The following NSMCE4A variants were observed in gnomAD, a reference collection of about 807,000 sequenced individuals.
The protein encoded by NSMCE4A is NSE4A component of SMC5/6 complex, also known as non-structural maintenance of chromosomes element 4 homolog A.
Under a neutral mutation model 47.9 loss-of-function variants are expected in NSMCE4A, and 40 were observed. That is an observed-to-expected ratio of 0.83 (90% CI 0.65 to 1.09). The LOEUF (loss-of-function observed/expected upper bound fraction) is 1.09. Ranked by LOEUF, NSMCE4A falls within the 50% of genes least tolerant of loss-of-function variation. The pLI, the probability that NSMCE4A is intolerant of heterozygous loss-of-function variation, is 0.00. For missense variants in NSMCE4A, 500 were observed against 507.0 expected, an observed-to-expected ratio of 0.99 and a Z score of 0.13; for synonymous variants, 166 against 178.5, an observed-to-expected ratio of 0.93 and a Z score of 0.56.
At chr10:121,972,293 C>T (rs1225319372) in intron 2 of NSMCE4A, among the ~76,000 whole-genome samples, 1 of 152,100 alleles carries the variant, frequency 6.6e-6, no homozygotes, top group African/African-American at 2.4e-5. Context: ...CACTGCACTC[C>T]AGCCTGGGCG....
Position 121,960,202 on chromosome 10 carries a change from G to A in NSMCE4A, c.988+156C>T. Reference sequence around the variant, plus strand: ...TGAATCCATCAAAATTTTAGACGCTGGCCATGTTTTCAGTATCTTCAGGTA... The same window carrying A: ...TGAATCCATCAAAATTTTAGACGCTAGCCATGTTTTCAGTATCTTCAGGTA... On this transcript the variant is annotated intron_variant, in intron 8 of 10. Coordinates refer to ENST00000369023, the MANE Select transcript of NSMCE4A (RefSeq NM_017615.3). The surrounding 1 kb of genome is among the most constrained non-coding windows in gnomAD (Gnocchi z 4.2). 2.2e-6 allele frequency: 1 copy of A among 463,986 alleles called. No homozygotes were observed. The highest frequency in any genetic ancestry group is 3.7e-6 in the Non-Finnish European group (1 of 267,386). 28.7% of individuals were successfully genotyped at this position (463,986 alleles called of 1,614,324 possible).
intron 2 of NSMCE4A, among the ~76,000 whole-genome samples, chr10:121,973,264 T>G (rs1952751904): frequency 6.6e-6 from 1 of 150,440 alleles, no homozygotes; most frequent in South Asian, 2.1e-4. Flanking sequence ...AAGGATATAT[T>G]TGGCTGCATT....
chr10:121,968,244 C>T (rs1952643508), intron 3 of NSMCE4A, among the ~76,000 whole-genome samples: 1 of 152,152 alleles, frequency 6.6e-6, no homozygotes, highest in Admixed American at 6.5e-5. Context: ...GCTCAAAATG[C>T]CAATCCATAG....
intron 3 of NSMCE4A, among the ~76,000 whole-genome samples, chr10:121,968,069 T>C (rs748139809): frequency 9.9e-5 from 15 of 152,224 alleles, no homozygotes; most frequent in Non-Finnish European, 2.1e-4. Context: ...AGACCAGTGG[T>C]TCTCAACCTG....
chr10:121,974,624 G>C (rs1952781795), intron 1 of NSMCE4A: 7 of 1,064,682 alleles, frequency 6.6e-6, no homozygotes, highest in South Asian at 4.5e-5. Flanking sequence ...GTCCGCGAAC[G>C]GCTCTGGCCT....
chr10:121,974,543 C>T (rs994711017), intron 1 of NSMCE4A: 2 of 1,014,006 alleles, frequency 2.0e-6, no homozygotes, highest in African/African-American at 3.4e-5. Context: ...ACGCCGAGGA[C>T]TGCCGGGCGC....
At chr10:121,961,102 A>C (rs1258706533) in intron 7 of NSMCE4A, among the ~76,000 whole-genome samples, 1 of 152,188 alleles carries the variant, frequency 6.6e-6, no homozygotes, top group East Asian at 1.9e-4. Flanking sequence ...GTATTTCTTG[A>C]GAACAAGGAT....
chr10:121,972,925 C>T (rs1303413083), intron 2 of NSMCE4A, among the ~76,000 whole-genome samples: 2 of 152,124 alleles, frequency 1.3e-5, no homozygotes, highest in Non-Finnish European at 1.5e-5. Context: ...TAAAAATATA[C>T]GTTCTAGTCC....
Position 121,961,410 on chromosome 10 carries a change from T to C in NSMCE4A, c.939+13A>G. 2 of 1,523,790 alleles carry C rather than the reference T, an allele frequency of 1.3e-6. No homozygotes were observed. Among genetic ancestry groups the C allele is most frequent in the Non-Finnish European group, 1.8e-6 (2 of 1,131,014 alleles). 94.4% of individuals were successfully genotyped at this position (1,523,790 alleles called of 1,614,324 possible). A position where few individuals can be genotyped will look rare whatever the true frequency, so the allele number is the denominator to read the frequency against. ...CATATAAAAGCAATTAGAAAAATAATCTTTAATCTTACCCGTATAATGAAG... is the reference window on the plus strand; with the variant it reads ...CATATAAAAGCAATTAGAAAAATAACCTTTAATCTTACCCGTATAATGAAG... On this transcript the variant is annotated intron_variant, in intron 7 of 10. Transcript: ENST00000369023.
chr10:121,961,317 C>T (rs1435544857), intron 7 of NSMCE4A, 106 bp downstream of exon 7: 2 of 650,714 alleles, frequency 3.1e-6, no homozygotes, highest in Admixed American at 8.0e-5. Flanking sequence ...GAAACATATA[C>T]TGGCTAGTGT....
intron 10 of NSMCE4A, among the ~76,000 whole-genome samples, chr10:121,958,675 C>G (rs577166437): frequency 5.3e-4 from 81 of 152,280 alleles, no homozygotes; most frequent in African/African-American, 1.9e-3. Flanking sequence ...CTTTGGGAAG[C>G]TGAGATGGGA....
chr10:121,961,413 T>G lies in NSMCE4A; in HGVS notation c.939+10A>C. ...ATAAAAGCAATTAGAAAAATAATCT[T>G]TAATCTTACCCGTATAATGAAGGAA... On this transcript the variant is annotated intron_variant, in intron 7 of 10. Transcript: ENST00000369023. 6.5e-7 allele frequency: 1 copy of G among 1,535,864 alleles called. No individual in the cohort carries two copies. Among genetic ancestry groups the G allele is most frequent in the Non-Finnish European group, 8.8e-7 (1 of 1,141,324 alleles).
At chr10:121,959,908 G>A (rs113422620) in intron 8 of NSMCE4A, 4 of 379,846 alleles carry the variant, frequency 1.1e-5, no homozygotes, top group Non-Finnish European at 1.9e-5. Context: ...AACATTGAAA[G>A]TAGCAAGTAA....
At chr10:121,959,233 T>C in intron 10 of NSMCE4A, 91 bp downstream of exon 10, 3 of 1,180,252 alleles carry the variant, frequency 2.5e-6, no homozygotes, top group Non-Finnish European at 3.8e-6. Flanking sequence ...GAGGCAAAAA[T>C]TCAAATTTCA....
intron 2 of NSMCE4A, among the ~76,000 whole-genome samples, chr10:121,971,764 C>CTTGG (rs1952718282): frequency 6.6e-6 from 1 of 152,222 alleles, no homozygotes; most frequent in Non-Finnish European, 1.5e-5. Flanking sequence ...GGGCCCTGTG[C>CTTGG]TTGGCATGGT....
rs1430564805 is a variant in NSMCE4A at position 121,974,069 on chromosome 10, T to G, written c.305A>C (p.Asp102Ala). The G allele has an allele frequency of 6.2e-7, 1 of 1,603,876 alleles. No homozygotes were observed. Among genetic ancestry groups the G allele is most frequent in the South Asian group, 1.1e-5 (1 of 89,778 alleles). Reference sequence around the variant, plus strand: ...TAATTTGTCACCGGCATTCAGTATGTCCTCACGGTTTTCTATTTTTAAAAA... The same window carrying G: ...TAATTTGTCACCGGCATTCAGTATGGCCTCACGGTTTTCTATTTTTAAAAA... ...LINSVQQNRE[D>A]ILNAGDKLTE... The change falls in exon 2 of 11, where the codon GAC becomes GCC. Residue 102 changes from aspartate (D) to alanine (A), a missense_variant. Physicochemically the swap from Asp to Ala is moderately radical, Grantham distance 126. Coordinates refer to ENST00000369023, the MANE Select transcript of NSMCE4A (RefSeq NM_017615.3).
At chr10:121,971,224 C>T (rs1952703439) in intron 2 of NSMCE4A, among the ~76,000 whole-genome samples, 155 bp from the exon 3 acceptor site, 2 of 151,468 alleles carry the variant, frequency 1.3e-5, no homozygotes, top group South Asian at 2.1e-4. Flanking sequence ...CTAAAACGTG[C>T]TCCTGGCCAG....
At chr10:121,964,689 C>G (rs943780665) in intron 5 of NSMCE4A, among the ~76,000 whole-genome samples, 1 of 152,190 alleles carries the variant, frequency 6.6e-6, no homozygotes, top group African/African-American at 2.4e-5. Flanking sequence ...ATCTGCCCGC[C>G]TCGGCCTCCC....
rs528062032 is a variant in NSMCE4A, at chr10:121,970,450, C to T, written c.501+489G>A. On this transcript the variant is annotated intron_variant, in intron 3 of 10. Coordinates refer to ENST00000369023, the MANE Select transcript of NSMCE4A (RefSeq NM_017615.3). ...TCACGCCACTGCACTCCAGCCTGGG[C>T]GACAGAGCGAGACTCTGTCTCAAAG... Among the ~76,000 whole-genome samples, 33 of 132,204 alleles carry T rather than the reference C, an allele frequency of 2.5e-4. 1 individual carries two copies. The highest frequency in any genetic ancestry group is 1.7e-3 in the South Asian group (7 of 4,108). The allele number at this position is 132,204 out of a possible 152,430, so 86.7% of individuals were successfully genotyped here.
Sources: allele counts gnomAD v4.1 joint callset (sites outside exome capture counted in the v4.1 genomes callset), GRCh38; gene constraint gnomAD v4.1.1; non-coding constraint Gnocchi (gnomAD v3.1); transcripts MANE v1.5; gene names NCBI Gene and HGNC (gene_info 2026-07-23, HGNC 2026-07-21).